Variants in MYH10 observed in about 807,000 individuals in gnomAD.
MYH10 encodes the protein myosin-10.
Under a neutral mutation model 257.8 loss-of-function variants are expected in MYH10, and 55 were observed. The observed-to-expected ratio is 0.21, with a 90% CI of 0.17 to 0.27. The LOEUF is 0.27. Ranked by LOEUF, MYH10 falls within the 10% of genes least tolerant of loss-of-function variation. The pLI is 1.00. For missense variants in MYH10, 1,631 were observed against 2,500.6 expected (o/e 0.65, Z 7.42); for synonymous variants, 854 against 921.7 (o/e 0.93, Z 1.33).
At chr17:8,573,316 G>A (rs2083407561) in intron 6 of MYH10, among the ~76,000 whole-genome samples, 1 of 152,198 alleles carries the variant, frequency 6.6e-6, no homozygotes, top group South Asian at 2.1e-4. Context: ...AGAGCTGCAG[G>A]AAGGTTAAAA....
At position 8,475,946 on chromosome 17, in the gene MYH10, C is replaced by A. The variant is rs774205864; in HGVS notation, c.5882G>T (p.Arg1961Leu). ...EVSTLKNRLR[R>L]GGPISFSSSR... ...GGAAGAGAAGCTGATGGGGCCACCC[C>A]GCCTGGAGAACACAGGAAGCAGATG... is the stretch of plus-strand genomic sequence containing the variant. The change falls in exon 43 of 43, where the codon CGG (arginine) becomes CTG (leucine). Residue 1961 changes from arginine (R) to leucine (L), a missense_variant and splice_region_variant. By Grantham distance (102) the Arg-to-Leu change is moderately radical. Around this residue, in one of 11 missense-constraint regions of MYH10, gnomAD observed 343 missense variants for 389.5 expected, o/e 0.88. Transcript: ENST00000360416. 9 of 1,612,562 alleles carry A rather than the reference C, an allele frequency of 5.6e-6. No individual in the cohort carries two copies. The highest frequency in any genetic ancestry group is 6.8e-6 in the Non-Finnish European group (8 of 1,179,664).
intron 30 of MYH10, among the ~76,000 whole-genome samples, chr17:8,497,588 A>T (rs1916828943): frequency 6.6e-6 from 1 of 151,844 alleles, no homozygotes; most frequent in Admixed American, 6.6e-5. Flanking sequence ...AAATGCAAAA[A>T]ATTAGCCAGG....
chr17:8,592,816 G>GAAAAAAAAAA (rs67151329), intron 3 of MYH10, among the ~76,000 whole-genome samples: 4 of 30,424 alleles, frequency 1.3e-4, no homozygotes, highest in African/African-American at 2.3e-4. Flanking sequence ...AATGAAATCA[G>GAAAAAAAAAA]AAAAAAAAAA....
intron 7 of MYH10, among the ~76,000 whole-genome samples, chr17:8,563,730 A>T (rs1217041201): frequency 6.6e-6 from 1 of 152,208 alleles, no homozygotes; most frequent in African/African-American, 2.4e-5. Context: ...TGATAAATAG[A>T]TATGAGGGTG....
At chr17:8,573,902 C>T (rs910104042) in intron 6 of MYH10, 2 of 741,554 alleles carry the variant, frequency 2.7e-6, no homozygotes, top group Non-Finnish European at 3.3e-6. Context: ...ACAGACAATG[C>T]CAAGTGCCAA....
intron 17 of MYH10, among the ~76,000 whole-genome samples, chr17:8,523,573 G>A (rs1010959285): frequency 1.3e-5 from 2 of 152,150 alleles, no homozygotes; most frequent in African/African-American, 4.8e-5. Flanking sequence ...AGGCCAGCAC[G>A]GAGGAGGAGG....
intron 8 of MYH10, 38 bp downstream of exon 8, chr17:8,553,917 T>A: frequency 6.4e-7 from 1 of 1,550,960 alleles, no homozygotes; most frequent in Non-Finnish European, 8.9e-7. Context: ...GACTAAATCC[T>A]TCTTTATTTT....
chr17:8,499,396 C>T lies in MYH10; in HGVS notation c.3825G>A (p.Gln1275=). 1 of 1,614,222 alleles carries T rather than the reference C, an allele frequency of 6.2e-7. No individual in the cohort carries two copies. Among genetic ancestry groups the T allele is most frequent in the Non-Finnish European group, 8.5e-7 (1 of 1,180,036 alleles). ...KELACEVKVL[Q]QVKAESEHKR... is the part of the protein sequence containing the mutation. ...TGTGCTCAGACTCAGCCTTGACCTGCTGCAGGACCTTCACCTCACACGCCA... is the reference window on the plus strand; with the variant it reads ...TGTGCTCAGACTCAGCCTTGACCTGTTGCAGGACCTTCACCTCACACGCCA... The change falls in exon 30 of 43, where the codon CAG becomes CAA. Residue 1275 remains glutamine (Q), a synonymous_variant. Coordinates refer to ENST00000360416, the MANE Select transcript of MYH10 (RefSeq NM_001256012.3).
Position 8,490,613 on chromosome 17 carries a change from A to G in MYH10, c.4672-61T>C. The G allele has an allele frequency of 6.5e-7, 1 of 1,550,326 alleles. No individual in the cohort carries two copies. On this transcript the variant is annotated intron_variant, in intron 34 of 42. Coordinates refer to ENST00000360416, the MANE Select transcript of MYH10 (RefSeq NM_001256012.3). The surrounding 1 kb of genome is among the most constrained non-coding windows in gnomAD (Gnocchi z 4.1). ...GGTGGAGGCACATATGAAGAACAGC[A>G]GTCTTACTGTTTTACAGGCCCACTC...
chr17:8,608,085 CAA>C (rs1459339236), intron 2 of MYH10, among the ~76,000 whole-genome samples: 2 of 151,968 alleles, frequency 1.3e-5, no homozygotes, highest in Non-Finnish European at 2.9e-5. Context: ...ACCAGCATAG[CAA>C]AAATAGTTTG....
rs759457339 is a variant in MYH10 at position 8,577,296 on chromosome 17, A to G, written c.573T>C (p.Val191=). 1 of 1,611,848 alleles carries G rather than the reference A, an allele frequency of 6.2e-7. No homozygotes were observed. Among genetic ancestry groups the G allele is most frequent in the Non-Finnish European group, 8.5e-7 (1 of 1,178,542 alleles). ...AAGCAACATGGGCAAGGTACTGAAT[A>G]ACTTTCTTTGTATTTTCTGTCTTCC... ...GAGKTENTKK[V]IQYLAHVASS... is the part of the protein sequence containing the mutation. The change falls in exon 5 of 43, where the codon GTT becomes GTC. Residue 191 remains valine (V), a synonymous_variant. Transcript: ENST00000360416.
In MYH10 at chr17:8,493,043, C is replaced by A. The variant is rs115879568; in HGVS notation, c.4210-19G>T. The A allele has an allele frequency of 3.7e-3, 5,939 of 1,610,090 alleles. 148 individuals are homozygous for A. The African/African-American group carries it at 0.061, about 17-fold the overall frequency. ...CAGCCAACTAGGTTTTGTGTACGGACAAACAGAAAGCTCAGTATTAATGTA... is the reference window on the plus strand; with the variant it reads ...CAGCCAACTAGGTTTTGTGTACGGAAAAACAGAAAGCTCAGTATTAATGTA... On this transcript the variant is annotated intron_variant, in intron 32 of 42. Transcript: ENST00000360416.
chr17:8,491,889 G>A (rs1306673459), intron 34 of MYH10, among the ~76,000 whole-genome samples: 4 of 152,182 alleles, frequency 2.6e-5, no homozygotes, highest in Non-Finnish European at 5.9e-5. Flanking sequence ...GGGCCTCCCT[G>A]GGAAGAACCA....
Position 8,480,824 on chromosome 17 carries a change from C to T in MYH10, c.5265-299G>A, listed in dbSNP as rs185809570. On this transcript the variant is annotated intron_variant, in intron 38 of 42. Transcript: ENST00000360416. Reference sequence around the variant, plus strand: ...GTTCTCCACAGACAACAGCCAGAGTCGCTTTCAAAACGCAAGCACGACCCC... The same window carrying T: ...GTTCTCCACAGACAACAGCCAGAGTTGCTTTCAAAACGCAAGCACGACCCC... Among the ~76,000 whole-genome samples, 951 of 152,204 alleles carry T rather than the reference C, an allele frequency of 6.2e-3. 13 individuals are homozygous for T. Among genetic ancestry groups the T allele is most frequent in the African/African-American group, 0.022 (918 of 41,532 alleles).
At position 8,571,557 on chromosome 17, in the gene MYH10, C is replaced by T. The variant is rs550765386; in HGVS notation, c.664-1745G>A. ...CAAAACTTTGCGAGGCCAAGGCAGG[C>T]GGATCATGAAGTCAGGAGATCGAGA... is the stretch of plus-strand genomic sequence containing the variant. On this transcript the variant is annotated intron_variant, in intron 6 of 42. Transcript: ENST00000360416. Among the ~76,000 whole-genome samples the T allele has an allele frequency of 9.2e-5, 14 of 151,886 alleles. No homozygotes were observed. In the East Asian group the frequency reaches 2.7e-3, roughly 30 times the overall value.
intron 24 of MYH10, chr17:8,511,067 T>TAC (rs1567823797): frequency 1.9e-5 from 1 of 51,544 alleles, no homozygotes; most frequent in African/African-American, 9.9e-5. Flanking sequence ...TATACACACA[T>TAC]ACATACATAC....
rs1209788331 is a variant in MYH10, at chr17:8,560,669, T to G, written c.757-6651A>C. On this transcript the variant is annotated intron_variant, in intron 7 of 42. Coordinates refer to ENST00000360416, the MANE Select transcript of MYH10 (RefSeq NM_001256012.3). ...CCAGGGTTTATTTTATCTGCCAGAG[T>G]GCTGACTTCACACACCATAATAATG... The G allele has an allele frequency of 3.9e-6, 3 of 763,148 alleles. No individual in the cohort carries two copies. In the African/African-American group the frequency reaches 5.3e-5, roughly 13 times the overall value. The allele number at this position is 763,148 out of a possible 1,614,324, so 47.3% of individuals were successfully genotyped here.
At chr17:8,563,736 G>T (rs903058070) in intron 7 of MYH10, among the ~76,000 whole-genome samples, 6 of 152,170 alleles carry the variant, frequency 3.9e-5, no homozygotes, top group African/African-American at 1.4e-4. Context: ...ATAGATATGA[G>T]GGTGCAGAAT....
chr17:8,571,357 G>A (rs2083335678), intron 6 of MYH10, among the ~76,000 whole-genome samples: 1 of 150,888 alleles, frequency 6.6e-6, no homozygotes, highest in African/African-American at 2.4e-5. Context: ...TGTATTTTTA[G>A]TAGAGACGGG....
Sources: gnomAD v4.1 joint callset for allele counts (sites outside exome capture counted in the v4.1 genomes callset) on GRCh38, gnomAD v4.1.1 for gene constraint, gnomAD v4.1.1 regional missense constraint, Gnocchi (gnomAD v3.1) non-coding constraint, MANE v1.5 for transcripts, NCBI Gene and HGNC (gene_info 2026-07-23, HGNC 2026-07-21) for gene names.